Variants in MARVELD2 observed in about 807,000 individuals in gnomAD.
MARVELD2 encodes MARVEL domain containing 2, also known as MARVEL domain-containing protein 2.
A neutral mutation model predicts 57.6 loss-of-function variants in MARVELD2; 49 were observed. The ratio of observed to expected loss-of-function variants is 0.85; its 90% CI spans 0.68 to 1.08. The LOEUF (loss-of-function observed/expected upper bound fraction) is 1.08, where lower values mean the gene tolerates loss of function less well. Among genes scored for constraint, MARVELD2 ranks in the 50% least tolerant of loss-of-function variants. MARVELD2 has a pLI of 0.00. For synonymous variants in MARVELD2, 238 were observed against 258.8 expected (o/e 0.92, Z 0.77); for missense variants, 606 against 701.1 (o/e 0.86, Z 1.53).
chr5:69,433,208 G>C, intron 5 of MARVELD2, 115 bp downstream of exon 5: 1 of 1,103,130 alleles, frequency 9.1e-7, no homozygotes, highest in Non-Finnish European at 1.3e-6. Flanking sequence ...CTGTTGCCAG[G>C]CTGGAGTGCA....
intron 5 of MARVELD2, chr5:69,433,461 GC>G (rs1767035141): frequency 1.4e-5 from 2 of 139,410 alleles, no homozygotes; most frequent in South Asian, 1.5e-4. Flanking sequence ...ATAAAATCTG[GC>G]TTTTTTTTTT....
At position 69,417,976 on chromosome 5, in the gene MARVELD2, C is replaced by T. The variant is rs535033149; in HGVS notation, c.-15-1395C>T. Among the ~76,000 whole-genome samples, 6 of 151,260 alleles carry T rather than the reference C, an allele frequency of 4.0e-5. No individual in the cohort carries two copies. In the East Asian group the frequency reaches 9.7e-4, roughly 24 times the overall value. The stretch of plus-strand genomic sequence containing the variant: ...AAAAAGAATTAGCTGGGTATGGTGG[C>T]ATGCACCTGTAGTCCCAGCTACTCA... On this transcript the variant is annotated intron_variant, in intron 1 of 6. Coordinates refer to ENST00000325631, the MANE Select transcript of MARVELD2 (RefSeq NM_001038603.3).
chr5:69,434,829 T>G (rs1360167609), intron 5 of MARVELD2, among the ~76,000 whole-genome samples: 2 of 151,560 alleles, frequency 1.3e-5, no homozygotes, highest in Non-Finnish European at 2.9e-5. Context: ...CCCAAGTAGC[T>G]GGGATTCAGG....
intron 5 of MARVELD2, among the ~76,000 whole-genome samples, chr5:69,436,038 A>C (rs1003479955): frequency 2.0e-5 from 3 of 152,164 alleles, no homozygotes; most frequent in African/African-American, 7.2e-5. Context: ...ATTTATCAAG[A>C]GATAGACATT....
intron 5 of MARVELD2, 83 bp downstream of exon 5, chr5:69,433,176 T>C (rs1767022737): frequency 1.5e-6 from 2 of 1,348,012 alleles, no homozygotes; most frequent in East Asian, 2.3e-5. Context: ...TTTTTTTTTT[T>C]TCTGTGAGAC....
chr5:69,425,918 C>T (rs1766777199), intron 3 of MARVELD2, among the ~76,000 whole-genome samples: 1 of 151,618 alleles, frequency 6.6e-6, no homozygotes, highest in Admixed American at 6.6e-5. Context: ...TTAGTGGAGA[C>T]GGGGTTTCAC....
At chr5:69,435,146 T>C (rs1289643745) in intron 5 of MARVELD2, among the ~76,000 whole-genome samples, 4 of 151,506 alleles carry the variant, frequency 2.6e-5, no homozygotes, top group Admixed American at 6.6e-5. Flanking sequence ...CTCAGCTTCC[T>C]GAGTAGATGG....
intron 2 of MARVELD2, among the ~76,000 whole-genome samples, chr5:69,420,997 TG>T (rs748694822): frequency 1.3e-5 from 2 of 152,212 alleles, no homozygotes; most frequent in Admixed American, 6.5e-5. Flanking sequence ...CAAATAAGAA[TG>T]TGGTAAACCA....
At chr5:69,423,240 T>C (rs772043737) in intron 2 of MARVELD2, among the ~76,000 whole-genome samples, 1 of 152,110 alleles carries the variant, frequency 6.6e-6, no homozygotes, top group Non-Finnish European at 1.5e-5. Context: ...ACAAATCGTT[T>C]TGTTGTCGTT....
At chr5:69,429,762 T>G (rs1345278458) in intron 3 of MARVELD2, among the ~76,000 whole-genome samples, 1 of 150,680 alleles carries the variant, frequency 6.6e-6, no homozygotes, top group African/African-American at 2.4e-5. Context: ...GAGGATAGGT[T>G]GAGCCCAGGA....
Position 69,419,867 on chromosome 5 carries a change from C to G in MARVELD2, c.482C>G (p.Ser161Cys). The G allele has an allele frequency of 6.2e-7, 1 of 1,614,162 alleles. No homozygotes were observed. The highest frequency in any genetic ancestry group is 8.5e-7 in the Non-Finnish European group (1 of 1,180,038). ...DAVFPRDPYG[S>C]LDRHTQTVRT... ...GTGTTTCCCCGGGATCCCTATGGAT[C>G]TCTAGACCGACACACACAAACAGTT... is the stretch of plus-strand genomic sequence containing the variant. Residue 161 changes from serine (S) to cysteine (C), a missense_variant, in exon 2 of 7, where the codon TCT becomes TGT. Transcript: ENST00000325631.
chr5:69,423,621 G>A (rs1314950117), intron 2 of MARVELD2, among the ~76,000 whole-genome samples: 1 of 151,954 alleles, frequency 6.6e-6, no homozygotes, highest in Non-Finnish European at 1.5e-5. Context: ...ATGTGTCCAT[G>A]TGATCTCTCT....
chr5:69,433,708 C>G (rs971058355), intron 5 of MARVELD2: 1 of 154,640 alleles, frequency 6.5e-6, no homozygotes, highest in Admixed American at 6.5e-5. Flanking sequence ...ATCCACCTGC[C>G]TCGGCCTCCC....
At chr5:69,418,203 A>T (rs1293276371) in intron 1 of MARVELD2, among the ~76,000 whole-genome samples, 3 of 152,212 alleles carry the variant, frequency 2.0e-5, no homozygotes, top group African/African-American at 7.2e-5. Flanking sequence ...CCATGTGCCC[A>T]GTTTAAGTCT....
chr5:69,428,884 T>C (rs891197946), intron 3 of MARVELD2, among the ~76,000 whole-genome samples: 1 of 152,140 alleles, frequency 6.6e-6, no homozygotes, highest in Admixed American at 6.6e-5. Context: ...TAAAGAGAAA[T>C]AGAAATTCAT....
chr5:69,419,799 A>C lies in MARVELD2; in HGVS notation c.414A>C (p.Gly138=), dbSNP rs299089. 1.9e-6 allele frequency: 3 copies of C among 1,614,068 alleles called. No homozygotes were observed. In the East Asian group the frequency reaches 6.7e-5, roughly 36 times the overall value. ...TCAACTCCTGCAAAGATCCCTACGG[A>C]GGGTCAGAAGGAACCTTTAGTTCCC... is the stretch of plus-strand genomic sequence containing the variant. ...SPLNSCKDPY[G]GSEGTFSSRK... Residue 138 remains glycine, a synonymous_variant, in exon 2 of 7, where the codon GGA becomes GGC. Transcript: ENST00000325631.
chr5:69,441,217 A>G (rs1039634192), intron 6 of MARVELD2, among the ~76,000 whole-genome samples: 1 of 152,098 alleles, frequency 6.6e-6, no homozygotes, highest in African/African-American at 2.4e-5. Flanking sequence ...CCTGGGCTCA[A>G]GCAATCCTTC....
At chr5:69,423,288 A>G (rs1283947091) in intron 2 of MARVELD2, among the ~76,000 whole-genome samples, 1 of 152,042 alleles carries the variant, frequency 6.6e-6, no homozygotes, top group African/African-American at 2.4e-5. Flanking sequence ...GGAAGGGTCT[A>G]ACTCTGTCAC....
At chr5:69,418,566 G>C (rs1443810985) in intron 1 of MARVELD2, among the ~76,000 whole-genome samples, 2 of 152,162 alleles carry the variant, frequency 1.3e-5, no homozygotes, top group Non-Finnish European at 2.9e-5. Flanking sequence ...CTTTGGTGAT[G>C]TTGTCTCTGA....
Sources: gnomAD v4.1 joint callset for allele counts (sites outside exome capture counted in the v4.1 genomes callset) on GRCh38, gnomAD v4.1.1 for gene constraint, MANE v1.5 for transcripts, NCBI Gene and HGNC (gene_info 2026-07-23, HGNC 2026-07-21) for gene names.